The following ADCY10 variants were observed in gnomAD, a reference collection of about 807,000 sequenced individuals.
ADCY10 encodes the protein adenylate cyclase 10, also known as adenylate cyclase type 10.
A neutral mutation model predicts 183.3 loss-of-function variants in ADCY10; 156 were observed. That is an observed-to-expected ratio of 0.85 (90% confidence interval 0.75 to 0.97). ADCY10 has a LOEUF of 0.97. ADCY10 is among the 50% of genes least tolerant of loss of function. The pLI is 0.00. For missense variants in ADCY10, 1,745 were observed against 1,934.3 expected, an observed-to-expected ratio of 0.90 and a Z score of 1.84; for synonymous variants, 645 against 670.0, an observed-to-expected ratio of 0.96 and a Z score of 0.58.
chr1:167,824,075 C>T (rs368369829), intron 28 of ADCY10, among the ~76,000 whole-genome samples: 1 of 152,210 alleles, frequency 6.6e-6, no homozygotes, highest in Non-Finnish European at 1.5e-5. Flanking sequence ...AATCCCAACA[C>T]TTTGGGAGGC....
chr1:167,913,424 T>G (rs375624304), intron 1 of ADCY10, among the ~76,000 whole-genome samples: 35 of 152,358 alleles, frequency 2.3e-4, no homozygotes, highest in African/African-American at 7.7e-4. Flanking sequence ...TACTCTGAAC[T>G]TAAAGGCACA....
At chr1:167,876,320 A>G (rs979428669) in intron 12 of ADCY10, among the ~76,000 whole-genome samples, 1 of 152,100 alleles carries the variant, frequency 6.6e-6, no homozygotes, top group Non-Finnish European at 1.5e-5. Flanking sequence ...ATTCAGGCAC[A>G]AAGAGTTTAA....
chr1:167,843,624 G>A (rs1377082157), intron 21 of ADCY10, among the ~76,000 whole-genome samples: 8 of 152,142 alleles, frequency 5.3e-5, no homozygotes, highest in Non-Finnish European at 1.0e-4. Context: ...ACCCTGGGAA[G>A]AACTTAAAAT....
Position 167,899,518 on chromosome 1 carries a change from G to C in ADCY10, c.547C>G (p.Gln183Glu), listed in dbSNP as rs372888569. The C allele has an allele frequency of 9.9e-6, 16 of 1,614,072 alleles. No homozygotes were observed. In the African/African-American group the frequency reaches 1.1e-4, roughly 11 times the overall value. The stretch of plus-strand genomic sequence containing the variant: ...GGTGACAGAATAACATCATTCATCT[G>C]AGCCATGTTCTGGGCAAGGCGCACA... ...DDVRLAQNMAQMNDVILSPNC... is the reference protein window; with the variant it reads ...DDVRLAQNMAEMNDVILSPNC... Residue 183 changes from glutamine to glutamate, a missense_variant, in exon 6 of 33, where the codon CAG becomes GAG. Physicochemically the swap from Gln to Glu is conservative, Grantham distance 29. Transcript: ENST00000367851.
intron 3 of ADCY10, among the ~76,000 whole-genome samples, chr1:167,902,831 T>C (rs1376061640): frequency 1.3e-5 from 2 of 152,228 alleles, no homozygotes; most frequent in African/African-American, 4.8e-5. Flanking sequence ...AAGTTTTCAG[T>C]TCACTCTAAG....
rs115345478 is a variant in ADCY10 at position 167,856,114 on chromosome 1, G to A, written c.2171+51C>T. On this transcript the variant is annotated intron_variant, in intron 17 of 32. Transcript: ENST00000367851. ...TAAGAAATCTGATGAAGTCTAGACC[G>A]AGGGAATGTATGCAGATGTCGAGAG... The A allele has an allele frequency of 1.1e-3, 1,769 of 1,594,580 alleles. 20 individuals carry two copies. In the African/African-American group the frequency reaches 0.02, roughly 18 times the overall value.
intron 21 of ADCY10, among the ~76,000 whole-genome samples, chr1:167,837,692 G>T (rs1034466): frequency 0.72 from 110,037 of 152,106 alleles, 40,938 homozygotes; most frequent in African/African-American, 0.9. Context: ...TTTCATAAGG[G>T]GGAAATAATC....
intron 26 of ADCY10, among the ~76,000 whole-genome samples, chr1:167,825,460 G>A (rs1487661688): frequency 6.6e-6 from 1 of 152,028 alleles, no homozygotes; most frequent in African/African-American, 2.4e-5. Context: ...AGATGAGCCT[G>A]GGCACAATAG....
intron 12 of ADCY10, among the ~76,000 whole-genome samples, chr1:167,877,009 CCAAGA>C (rs1667515386): frequency 6.6e-6 from 1 of 151,978 alleles, no homozygotes; most frequent in African/African-American, 2.4e-5. Context: ...CGTGAATAAG[CCAAGA>C]CAAGATCAAC....
chr1:167,905,100 A>T lies in ADCY10; in HGVS notation c.41T>A (p.Val14Asp). The T allele has an allele frequency of 6.2e-7, 1 of 1,614,242 alleles. No individual in the cohort carries two copies. The highest frequency in any genetic ancestry group is 8.5e-7 in the Non-Finnish European group (1 of 1,180,040). ...PKEEFQDWPI[V>D]RIAAHLPDLI... ...GTCTGGTAAATGAGCTGCTATTCTGACTATGGGCCAGTCCTGGAATTCTTC... is the reference window on the plus strand; with the variant it reads ...GTCTGGTAAATGAGCTGCTATTCTGTCTATGGGCCAGTCCTGGAATTCTTC... The change falls in exon 2 of 33, where the codon GTC (valine) becomes GAC (aspartate). Residue 14 changes from valine to aspartate, a missense_variant. Val to Asp is a radical substitution (Grantham distance 152). Transcript: ENST00000367851.
chr1:167,834,927 C>A (rs1029912755), intron 23 of ADCY10, among the ~76,000 whole-genome samples: 6 of 152,316 alleles, frequency 3.9e-5, no homozygotes, highest in Middle Eastern at 6.8e-3. Flanking sequence ...GACTCATTGG[C>A]TACATCCCCA....
intron 18 of ADCY10, among the ~76,000 whole-genome samples, chr1:167,853,223 A>T (rs1036356157): frequency 6.6e-6 from 1 of 152,188 alleles, no homozygotes; most frequent in African/African-American, 2.4e-5. Context: ...AAATCATCGT[A>T]TTACTTAATT....
intron 17 of ADCY10, 75 bp from the exon 18 acceptor site, chr1:167,854,564 A>G: frequency 6.6e-7 from 1 of 1,519,468 alleles, no homozygotes; most frequent in East Asian, 2.3e-5. Context: ...AAGTCTTCTC[A>G]ATCACTTGAA....
chr1:167,851,287 A>T (rs1339710864), intron 18 of ADCY10, among the ~76,000 whole-genome samples: 1 of 152,068 alleles, frequency 6.6e-6, no homozygotes, highest in Non-Finnish European at 1.5e-5. Context: ...CCCTGGCTCA[A>T]GCAATCCTCC....
intron 14 of ADCY10, among the ~76,000 whole-genome samples, chr1:167,870,012 T>C (rs1044020882): frequency 9.2e-5 from 14 of 152,204 alleles, no homozygotes; most frequent in African/African-American, 2.9e-4. Context: ...TGGGATTACT[T>C]AGGAAACTTT....
intron 5 of ADCY10, 36 bp downstream of exon 5, chr1:167,901,626 A>T: frequency 1.9e-6 from 3 of 1,608,156 alleles, no homozygotes; most frequent in Non-Finnish European, 2.6e-6. Flanking sequence ...ACCCTATCCC[A>T]GCTGCCGTAG....
chr1:167,909,236 A>G (rs1239105123), intron 1 of ADCY10, among the ~76,000 whole-genome samples: 1 of 152,222 alleles, frequency 6.6e-6, no homozygotes, highest in African/African-American at 2.4e-5. Context: ...GCTATATAGT[A>G]TTCCATCACC....
chr1:167,875,279 T>C, intron 12 of ADCY10, 93 bp from the exon 13 acceptor site: 1 of 1,285,526 alleles, frequency 7.8e-7, no homozygotes, highest in South Asian at 1.2e-5. Context: ...GAAAGTTTCC[T>C]TCTCAATTGC....
chr1:167,833,079 G>A lies in ADCY10; in HGVS notation c.3501C>T (p.Tyr1167=), dbSNP rs370471373. ...TATGGAGAAACAAGGAGATTAAGTT[G>A]TAAGGAAAGATTCGGTTGAGGAGCT... ...ALKLLNRIFP[Y]NLISLFLHIH... Residue 1167 remains tyrosine (Y), a synonymous_variant, in exon 25 of 33, where the codon TAC becomes TAT. Transcript: ENST00000367851. The A allele has an allele frequency of 1.3e-4, 212 of 1,614,052 alleles. No individual in the cohort carries two copies. Among genetic ancestry groups the A allele is most frequent in the Non-Finnish European group, 1.7e-4 (196 of 1,180,034 alleles).
Sources: allele counts gnomAD v4.1 joint callset (sites outside exome capture counted in the v4.1 genomes callset), GRCh38; gene constraint gnomAD v4.1.1; transcripts MANE v1.5; gene names NCBI Gene and HGNC (gene_info 2026-07-23, HGNC 2026-07-21).